KIAA0825: variants seen among roughly 807,000 people sequenced by gnomAD.
The protein encoded by KIAA0825 is KIAA0825.
Under a neutral mutation model 147.6 loss-of-function variants are expected in KIAA0825, and 119 were observed. The observed-to-expected ratio is 0.81, with a 90% CI of 0.69 to 0.94. KIAA0825 has a LOEUF of 0.94. Ranked by LOEUF, KIAA0825 falls within the 40% of genes least tolerant of loss-of-function variation. The pLI is 0.00. For synonymous variants in KIAA0825, 470 were observed against 518.1 expected (o/e 0.91, Z 1.26); for missense variants, 1,381 against 1,472.7 (o/e 0.94, Z 1.02).
chr5:94,423,772 G>A (rs1754500389), intron 14 of KIAA0825, among the ~76,000 whole-genome samples: 1 of 152,112 alleles, frequency 6.6e-6, no homozygotes, highest in Non-Finnish European at 1.5e-5. Context: ...TATAAAAATA[G>A]AAATTATACC....
intron 20 of KIAA0825, among the ~76,000 whole-genome samples, chr5:94,283,855 TA>T (rs1224662555): frequency 6.6e-6 from 1 of 152,072 alleles, no homozygotes; most frequent in African/African-American, 2.4e-5. Flanking sequence ...TAAACGCGAT[TA>T]CTGAATGCCT....
At chr5:94,517,740 A>T (rs1353280079) in intron 5 of KIAA0825, among the ~76,000 whole-genome samples, 1 of 151,256 alleles carries the variant, frequency 6.6e-6, no homozygotes, top group Non-Finnish European at 1.5e-5. Context: ...ATTTATTTTA[A>T]ATTATTTAAA....
chr5:94,460,218 T>C (rs1199628603), intron 12 of KIAA0825, among the ~76,000 whole-genome samples: 2 of 152,130 alleles, frequency 1.3e-5, no homozygotes, highest in Non-Finnish European at 2.9e-5. Flanking sequence ...ATATAAGTGA[T>C]AAGCACTTTG....
intron 20 of KIAA0825, 73 bp downstream of exon 20, chr5:94,384,295 G>A (rs747403492): frequency 5.4e-5 from 56 of 1,032,210 alleles, no homozygotes; most frequent in East Asian, 2.1e-4. Flanking sequence ...ATCTGTGTAC[G>A]TGTATACACA....
chr5:94,161,333 G>A (rs1200731536), intron 20 of KIAA0825, among the ~76,000 whole-genome samples: 1 of 152,082 alleles, frequency 6.6e-6, no homozygotes, highest in Non-Finnish European at 1.5e-5. Flanking sequence ...ATTTTCTCAC[G>A]CATTGTGTTT....
chr5:94,601,322 A>T (rs1215229800), intron 1 of KIAA0825, among the ~76,000 whole-genome samples: 1 of 152,218 alleles, frequency 6.6e-6, no homozygotes, highest in Non-Finnish European at 1.5e-5. Flanking sequence ...AGCAAACTGC[A>T]GCAGCGCTAT....
At chr5:94,502,959 AT>A (rs1487688305) in intron 5 of KIAA0825, among the ~76,000 whole-genome samples, 1 of 151,846 alleles carries the variant, frequency 6.6e-6, no homozygotes, top group Non-Finnish European at 1.5e-5. Context: ...AAATACAAAA[AT>A]TAGCTGGGCA....
At chr5:94,337,953 G>A (rs942872440) in intron 20 of KIAA0825, among the ~76,000 whole-genome samples, 41 of 152,124 alleles carry the variant, frequency 2.7e-4, no homozygotes, top group Admixed American at 2.4e-3. Context: ...GGCCAGTTAC[G>A]AGCTCCTGAA....
At chr5:94,260,785 ACT>A (rs1268072666) in intron 20 of KIAA0825, among the ~76,000 whole-genome samples, 1 of 152,178 alleles carries the variant, frequency 6.6e-6, no homozygotes, top group Non-Finnish European at 1.5e-5. Context: ...ATGATGTGGC[ACT>A]CAGCTAAAGT....
At chr5:94,455,087 GATACAGCAC>G (rs1385841369) in intron 12 of KIAA0825, among the ~76,000 whole-genome samples, 1 of 152,150 alleles carries the variant, frequency 6.6e-6, no homozygotes, top group Non-Finnish European at 1.5e-5. Context: ...TGGATTTACT[GATACAGCAC>G]ATACAAGAGC....
At position 94,520,803 on chromosome 5, in the gene KIAA0825, G is replaced by A; in HGVS notation, c.415C>T (p.His139Tyr). The A allele has an allele frequency of 6.2e-7, 1 of 1,613,244 alleles. No homozygotes were observed. The highest frequency in any genetic ancestry group is 8.5e-7 in the Non-Finnish European group (1 of 1,179,420). The stretch of plus-strand genomic sequence containing the variant: ...TGAAGAGACGTCCTAGAGAGGAAAT[G>A]GAAAGATGTTCCACTTAGGGTTGAT... ...FPSTLSGTSF[H>Y]FLSRTSLHSV... Residue 139 changes from histidine to tyrosine, a missense_variant, in exon 5 of 21, where the codon CAT (histidine) becomes TAT (tyrosine). Physicochemically the swap from His to Tyr is moderately conservative, Grantham distance 83 (BLOSUM62 2). Coordinates refer to ENST00000682413, the MANE Select transcript of KIAA0825 (RefSeq NM_001145678.3).
intron 1 of KIAA0825, among the ~76,000 whole-genome samples, chr5:94,596,907 A>G (rs1785417240): frequency 1.3e-5 from 2 of 152,046 alleles, no homozygotes; most frequent in Admixed American, 6.6e-5. Flanking sequence ...GAATGCTAGT[A>G]ATTTTTATAT....
chr5:94,497,007 C>T (rs1419296145), intron 5 of KIAA0825, among the ~76,000 whole-genome samples: 3 of 152,124 alleles, frequency 2.0e-5, no homozygotes, highest in South Asian at 4.1e-4. Flanking sequence ...GGCGCCTTCC[C>T]TATTGGGATT....
At chr5:94,548,556 C>T (rs1449250644) in intron 2 of KIAA0825, among the ~76,000 whole-genome samples, 1 of 152,106 alleles carries the variant, frequency 6.6e-6, no homozygotes, top group Admixed American at 6.5e-5. Context: ...AAGAGTAAGT[C>T]CTTACTTATC....
At chr5:94,430,725 T>C (rs1467412032) in intron 14 of KIAA0825, among the ~76,000 whole-genome samples, 1 of 152,220 alleles carries the variant, frequency 6.6e-6, no homozygotes, top group Non-Finnish European at 1.5e-5. Flanking sequence ...AAGATGTATG[T>C]TTCTACAGTC....
At chr5:94,361,241 A>G (rs1289578960) in intron 20 of KIAA0825, among the ~76,000 whole-genome samples, 1 of 152,188 alleles carries the variant, frequency 6.6e-6, no homozygotes, top group African/African-American at 2.4e-5. Flanking sequence ...GTGTACCTAA[A>G]TGTTATAATG....
intron 12 of KIAA0825, among the ~76,000 whole-genome samples, chr5:94,453,512 G>C (rs1326800865): frequency 6.6e-6 from 1 of 151,900 alleles, no homozygotes; most frequent in African/African-American, 2.4e-5. Context: ...ACACAAAATG[G>C]TATTGTGCTA....
At chr5:94,279,367 G>A (rs17083516) in intron 20 of KIAA0825, among the ~76,000 whole-genome samples, 31,328 of 151,974 alleles carry the variant, frequency 0.21, 3,663 homozygotes, top group Non-Finnish European at 0.25. Context: ...CAGATCCGGT[G>A]CTAGACAATC....
At chr5:94,375,095 G>A (rs61699404) in intron 20 of KIAA0825, among the ~76,000 whole-genome samples, 2,710 of 141,444 alleles carry the variant, frequency 0.019, 81 homozygotes, top group African/African-American at 0.068. Context: ...GCAGTGGCAC[G>A]ACCTCGGCTC....
Sources: allele counts gnomAD v4.1 joint callset (sites outside exome capture counted in the v4.1 genomes callset), GRCh38; gene constraint gnomAD v4.1.1; transcripts MANE v1.5; gene names NCBI Gene and HGNC (gene_info 2026-07-23, HGNC 2026-07-21).